Variants in ZNF333 observed in about 807,000 individuals in gnomAD.
The protein encoded by ZNF333 is zinc finger protein 333.
In ZNF333, 61 loss-of-function variants were observed where a neutral mutation model predicts 76.1. That is an observed-to-expected ratio of 0.80 (90% CI 0.65 to 0.99). The LOEUF is 0.99. Among genes scored for constraint, ZNF333 ranks in the 50% least tolerant of loss-of-function variants. The probability of loss-of-function intolerance (pLI) is 0.00; values close to 1 mark genes in which losing one functional copy is unlikely to be tolerated. For synonymous variants in ZNF333, 284 were observed against 305.0 expected (o/e 0.93, Z 0.72); for missense variants, 717 against 822.4 (o/e 0.87, Z 1.57).
intron 10 of ZNF333, 36 bp from the exon 11 acceptor site, chr19:14,717,621 T>C (rs756741468): frequency 3.1e-6 from 5 of 1,588,664 alleles, no homozygotes; most frequent in Non-Finnish European, 4.3e-6. Flanking sequence ...TTTCTTTCTC[T>C]GTGTGCTTAA....
chr19:14,733,001 T>C (rs767468423), exon 12 of ZNF333: 1 of 152,228 alleles, frequency 6.6e-6, no homozygotes, highest in Non-Finnish European at 1.5e-5. Context: ...TCTACACTCA[T>C]AGGGACCCAC....
In ZNF333 at chr19:14,715,466, C is replaced by G. The variant is rs1407133990; in HGVS notation, c.596C>G (p.Ser199Ter). 1.9e-6 allele frequency: 3 copies of G among 1,613,656 alleles called. No individual in the cohort carries two copies. Among genetic ancestry groups the G allele is most frequent in the Non-Finnish European group, 2.5e-6 (3 of 1,179,792 alleles). The change falls in exon 8 of 12, where the codon TCA becomes TGA. Residue 199 changes from serine to a stop codon, truncating the protein, a stop_gained. Transcript: ENST00000292530. LOFTEE classifies it high-confidence loss of function. Reference sequence around the variant, plus strand: ...GCTCCTGGGCTGCCAACCGCCTGTTCACAGGTAGGTAAGAACTTCTTGTTC... The same window carrying G: ...GCTCCTGGGCTGCCAACCGCCTGTTGACAGGTAGGTAAGAACTTCTTGTTC... ...AMAPGLPTAC[S>*]QEPVTFADVA... is the part of the protein sequence containing the mutation.
chr19:14,708,329 G>A (rs1316733548), intron 7 of ZNF333: 5 of 400,824 alleles, frequency 1.2e-5, no homozygotes, highest in African/African-American at 6.2e-5. Flanking sequence ...TTCTTGAAGC[G>A]GGTAACACCA....
chr19:14,729,434 C>T (rs1162286242), intron 11 of ZNF333, among the ~76,000 whole-genome samples: 2 of 152,012 alleles, frequency 1.3e-5, no homozygotes, highest in African/African-American at 4.8e-5. Flanking sequence ...TCACAGCTCA[C>T]TGCAGCCTCA....
intron 11 of ZNF333, among the ~76,000 whole-genome samples, chr19:14,730,448 C>CT (rs1568567895): frequency 6.6e-6 from 1 of 151,540 alleles, no homozygotes; most frequent in Non-Finnish European, 1.5e-5. Flanking sequence ...TCTTTCCTTC[C>CT]TCCCTTCCTC....
intron 7 of ZNF333, chr19:14,707,081 A>C (rs954095307): frequency 6.7e-6 from 2 of 298,122 alleles, no homozygotes; most frequent in African/African-American, 4.5e-5. Context: ...AATTTACTAG[A>C]AATGGCCTGT....
At chr19:14,698,702 G>C (rs551429607) in intron 4 of ZNF333, among the ~76,000 whole-genome samples, 2 of 150,600 alleles carry the variant, frequency 1.3e-5, no homozygotes, top group African/African-American at 2.4e-5. Flanking sequence ...TTAGCCAGAC[G>C]TGGTGGCGGG....
chr19:14,696,698 A>G (rs1326233873), intron 4 of ZNF333, among the ~76,000 whole-genome samples: 1 of 149,914 alleles, frequency 6.7e-6, no homozygotes, highest in African/African-American at 2.5e-5. Context: ...CTTCTGAAGT[A>G]ATCACAGGGC....
rs148150625 is a variant in ZNF333, at chr19:14,718,406, G to A, written c.1079G>A (p.Arg360His). The change falls in exon 12 of 12, where the codon CGT becomes CAT. Residue 360 changes from arginine (R) to histidine (H), a missense_variant. Coordinates refer to ENST00000292530, the MANE Select transcript of ZNF333 (RefSeq NM_032433.4). ...CACCTAATTGTGCCCGAGAAAATCC[G>A]TAGTGGGGATAAATCCTATGCATGT... is the stretch of plus-strand genomic sequence containing the variant. ...SAHLIVPEKIRSGDKSYACNK... is the reference protein window; with the variant it reads ...SAHLIVPEKIHSGDKSYACNK... 4.2e-4 allele frequency: 681 copies of A among 1,614,188 alleles called. 3 individuals carry two copies. In the African/African-American group the frequency reaches 7.8e-3, roughly 19 times the overall value.
intron 11 of ZNF333, among the ~76,000 whole-genome samples, chr19:14,727,173 G>A (rs1659569008): frequency 6.6e-6 from 1 of 151,882 alleles, no homozygotes; most frequent in South Asian, 2.1e-4. Context: ...GACTACAGGT[G>A]TCCGCCACCA....
At chr19:14,693,388 C>T (rs577699953) in intron 1 of ZNF333, 63 bp from the exon 2 acceptor site, 2 of 1,323,552 alleles carry the variant, frequency 1.5e-6, no homozygotes, top group East Asian at 2.4e-5. Context: ...TGCTGGAGAT[C>T]CCCCAAAATG....
chr19:14,694,598 C>T (rs1973036750), intron 2 of ZNF333, among the ~76,000 whole-genome samples: 1 of 152,174 alleles, frequency 6.6e-6, no homozygotes, highest in Admixed American at 6.5e-5. Context: ...CTTTCAATCC[C>T]AAATTTGTGA....
At chr19:14,695,410 T>C (rs1166002408) in intron 3 of ZNF333, among the ~76,000 whole-genome samples, 156 bp from the exon 4 acceptor site, 1 of 152,164 alleles carries the variant, frequency 6.6e-6, no homozygotes, top group Non-Finnish European at 1.5e-5. Context: ...TCATTAGCTA[T>C]TGGGCAAGAT....
At chr19:14,712,394 AT>A (rs2042303714) in intron 7 of ZNF333, among the ~76,000 whole-genome samples, 1 of 151,734 alleles carries the variant, frequency 6.6e-6, no homozygotes, top group South Asian at 2.1e-4. Context: ...TAATTTTTGT[AT>A]TTTTAGTAGA....
At position 14,720,220 on chromosome 19, in the gene ZNF333, C is replaced by T. The variant is rs1468165376; in HGVS notation, c.*895C>T. ...AATAATAAAAAAAAGCTTCCATCTC[C>T]CAGCCCTTCTTGCAAGCAAGGGCAG... is the stretch of plus-strand genomic sequence containing the variant. On this transcript the variant is annotated 3_prime_UTR_variant, in exon 12 of 12. Transcript: ENST00000292530. 1.3e-5 allele frequency: 13 copies of T among 985,164 alleles called. No homozygotes were observed. Among genetic ancestry groups the T allele is most frequent in the Non-Finnish European group, 1.6e-5 (13 of 829,886 alleles). 61.0% of individuals were successfully genotyped at this position (985,164 alleles called of 1,614,324 possible).
chr19:14,717,935 G>A (rs1322937121), intron 11 of ZNF333, among the ~76,000 whole-genome samples: 1 of 152,226 alleles, frequency 6.6e-6, no homozygotes, highest in African/African-American at 2.4e-5. Flanking sequence ...GTACAAGTAA[G>A]CATTTTCACA....
chr19:14,728,199 C>T (rs894696326), intron 11 of ZNF333, among the ~76,000 whole-genome samples: 9 of 152,140 alleles, frequency 5.9e-5, no homozygotes, highest in Non-Finnish European at 1.2e-4. Context: ...GGCGACAGAG[C>T]GAGACTCCGT....
chr19:14,727,823 G>A (rs1316610194), intron 11 of ZNF333, among the ~76,000 whole-genome samples: 1 of 152,166 alleles, frequency 6.6e-6, no homozygotes, highest in Non-Finnish European at 1.5e-5. Context: ...GCCCACAATG[G>A]TGGAAAATCA....
chr19:14,692,819 T>C (rs1309280579), intron 1 of ZNF333, among the ~76,000 whole-genome samples: 1 of 125,626 alleles, frequency 8.0e-6, no homozygotes, highest in Admixed American at 8.0e-5. Flanking sequence ...GACCTGGACC[T>C]TATTCTTTTT....
Sources: allele counts gnomAD v4.1 joint callset (sites outside exome capture counted in the v4.1 genomes callset), GRCh38; gene constraint gnomAD v4.1.1; transcripts MANE v1.5; gene names NCBI Gene and HGNC (gene_info 2026-07-23, HGNC 2026-07-21).